CDKL3: variants seen among roughly 807,000 people sequenced by gnomAD.
CDKL3 encodes cyclin-dependent kinase-like 3.
In CDKL3, 65 loss-of-function variants were observed where a neutral mutation model predicts 69.3. The observed-to-expected ratio is 0.94, with a 90% confidence interval of 0.77 to 1.15. CDKL3 has a LOEUF of 1.15. CDKL3 is among the 50% of genes most tolerant of loss of function. The pLI, the probability that CDKL3 is intolerant of heterozygous loss-of-function variation, is 0.00. For missense variants in CDKL3, 652 were observed against 689.2 expected (o/e 0.95, Z 0.61); for synonymous variants, 202 against 221.6 (o/e 0.91, Z 0.79).
intron 2 of CDKL3, among the ~76,000 whole-genome samples, chr5:134,364,991 C>G (rs62381372): frequency 7.1e-6 from 1 of 141,688 alleles, no homozygotes; most frequent in Non-Finnish European, 1.5e-5. Context: ...TTTTTTTTTC[C>G]TTTTCTTTTG....
At position 134,308,368 on chromosome 5, in the gene CDKL3, A is replaced by C. The variant is rs1272542084; in HGVS notation, c.1134T>G (p.Tyr378Ter). ...CATCCTGTTGACCAAGTCCACCTTC[A>C]TACTCTTTCTTTTTTGGTTCTGAGA... The part of the protein sequence containing the change: ...GDISEPKKKE[Y>*]EGGLGQQDAN... Residue 378 changes from tyrosine to a stop codon, truncating the protein, a stop_gained, in exon 9 of 13, where the codon TAT becomes TAG. Transcript: ENST00000265334. LOFTEE classifies it high-confidence loss of function. 1 of 1,613,838 alleles carries C rather than the reference A, an allele frequency of 6.2e-7. No individual in the cohort carries two copies. Among genetic ancestry groups the C allele is most frequent in the Admixed American group, 1.7e-5 (1 of 60,016 alleles).
chr5:134,320,485 G>C (rs1772430546), intron 5 of CDKL3, among the ~76,000 whole-genome samples: 1 of 152,106 alleles, frequency 6.6e-6, no homozygotes, highest in African/African-American at 2.4e-5. Context: ...GGCTGAGGTG[G>C]GAGAATCACC....
At chr5:134,287,377 G>A (rs1025014176) in intron 8 of CDKL3, among the ~76,000 whole-genome samples, 1 of 152,144 alleles carries the variant, frequency 6.6e-6, no homozygotes, top group African/African-American at 2.4e-5. Flanking sequence ...ACAAGAGAGT[G>A]TTCCCTATCC....
At chr5:134,325,563 A>G (rs1174479365) in intron 4 of CDKL3, among the ~76,000 whole-genome samples, 1 of 152,052 alleles carries the variant, frequency 6.6e-6, no homozygotes, top group Non-Finnish European at 1.5e-5. Context: ...ACAAGTTTAC[A>G]TTTCCCCACC....
intron 4 of CDKL3, among the ~76,000 whole-genome samples, chr5:134,338,079 A>G (rs1313661809): frequency 2.0e-5 from 3 of 152,238 alleles, no homozygotes; most frequent in Non-Finnish European, 4.4e-5. Context: ...TATTGGGCCT[A>G]TAACATTACA....
At chr5:134,321,755 T>C in intron 5 of CDKL3, 36 bp downstream of exon 5, 1 of 1,084,146 alleles carries the variant, frequency 9.2e-7, no homozygotes, top group Non-Finnish European at 1.4e-6. Flanking sequence ...ATATTTATTT[T>C]AGACATGTAA....
At chr5:134,364,089 G>A (rs1756762094) in intron 2 of CDKL3, among the ~76,000 whole-genome samples, 1 of 151,944 alleles carries the variant, frequency 6.6e-6, no homozygotes, top group Non-Finnish European at 1.5e-5. Context: ...TGCTGCATAT[G>A]AAACAGCTAT....
At chr5:134,334,170 T>C (rs1315494312) in intron 4 of CDKL3, among the ~76,000 whole-genome samples, 1 of 152,228 alleles carries the variant, frequency 6.6e-6, no homozygotes, top group Non-Finnish European at 1.5e-5. Flanking sequence ...CTCTATCATT[T>C]TTTATTGCAT....
At chr5:134,303,879 A>G (rs1439929670) in intron 11 of CDKL3, among the ~76,000 whole-genome samples, 1 of 151,842 alleles carries the variant, frequency 6.6e-6, no homozygotes, top group Non-Finnish European at 1.5e-5. Flanking sequence ...AAATTTTAAT[A>G]ATTTACCTTT....
At chr5:134,367,205 T>C, upstream of CDKL3, 2 of 985,342 alleles carry the variant, frequency 2.0e-6, no homozygotes, top group Non-Finnish European at 2.4e-6. Context: ...ATGGGCAGGG[T>C]CCCGACCCGG....
chr5:134,306,022 A>C (rs550521525), intron 10 of CDKL3, among the ~76,000 whole-genome samples: 1 of 152,316 alleles, frequency 6.6e-6, no homozygotes, highest in Non-Finnish European at 1.5e-5. Flanking sequence ...TGACTTTCAA[A>C]GGTGGAAATC....
chr5:134,345,279 A>T (rs1357091174), intron 4 of CDKL3, among the ~76,000 whole-genome samples: 2 of 152,134 alleles, frequency 1.3e-5, no homozygotes, highest in Non-Finnish European at 2.9e-5. Flanking sequence ...TGTATTATAT[A>T]AAAATATCTC....
intron 2 of CDKL3, among the ~76,000 whole-genome samples, chr5:134,362,032 A>G (rs1051263152): frequency 2.0e-5 from 3 of 152,182 alleles, no homozygotes; most frequent in Admixed American, 2.0e-4. Flanking sequence ...ATGAATAAGC[A>G]TTGTAGAAGA....
At chr5:134,371,501 C>CGGCGGCGGT (rs1290326947), upstream of CDKL3, 52 of 1,427,678 alleles carry the variant, frequency 3.6e-5, no homozygotes, top group Admixed American at 5.4e-5. Flanking sequence ...GCGGCGGCGG[C>CGGCGGCGGT]GGCGATCCAC....
intron 4 of CDKL3, among the ~76,000 whole-genome samples, chr5:134,341,361 G>A (rs1435041436): frequency 1.3e-5 from 2 of 152,062 alleles, no homozygotes; most frequent in African/African-American, 2.4e-5. Flanking sequence ...AGAAATAAAA[G>A]GCATCCAGAC....
chr5:134,346,682 G>A (rs1290442626), intron 4 of CDKL3, among the ~76,000 whole-genome samples: 2 of 152,094 alleles, frequency 1.3e-5, no homozygotes, highest in Non-Finnish European at 1.5e-5. Context: ...TTTTAGTAGA[G>A]ACGGGGTTTC....
At chr5:134,359,286 A>C (rs982437761) in intron 3 of CDKL3, among the ~76,000 whole-genome samples, 2 of 152,158 alleles carry the variant, frequency 1.3e-5, no homozygotes, top group African/African-American at 4.8e-5. Context: ...CAACGAGAGC[A>C]AAACTCCATC....
chr5:134,355,808 C>T (rs1031566438), intron 3 of CDKL3, among the ~76,000 whole-genome samples: 1 of 152,142 alleles, frequency 6.6e-6, no homozygotes, highest in Admixed American at 6.6e-5. Flanking sequence ...AAAGCTAAGC[C>T]GCTCCATACT....
At chr5:134,367,313 G>C (rs919283729), upstream of CDKL3, 3 of 984,740 alleles carry the variant, frequency 3.0e-6, no homozygotes, top group Admixed American at 6.2e-5. Context: ...GATTGCTGTC[G>C]CAGCTGAGCC....
Sources: allele counts gnomAD v4.1 joint callset (sites outside exome capture counted in the v4.1 genomes callset), GRCh38; gene constraint gnomAD v4.1.1; transcripts MANE v1.5; gene names NCBI Gene and HGNC (gene_info 2026-07-23, HGNC 2026-07-21).